SMARCA4: variants seen among roughly 807,000 people sequenced by gnomAD.
SMARCA4 encodes SWI/SNF related BAF chromatin remodeling complex subunit ATPase 4.
Under a neutral mutation model 193.9 loss-of-function variants are expected in SMARCA4, and 31 were observed. That is an observed-to-expected ratio of 0.16 (90% CI 0.12 to 0.22). SMARCA4 has a LOEUF of 0.22. Among genes scored for constraint, SMARCA4 ranks in the 10% least tolerant of loss-of-function variants. The probability of loss-of-function intolerance (pLI) is 1.00; values close to 1 mark genes in which losing one functional copy is unlikely to be tolerated. For missense variants in SMARCA4, 1,148 were observed against 2,296.0 expected, an observed-to-expected ratio of 0.50 and a Z score of 10.22; for synonymous variants, 942 against 933.1, an observed-to-expected ratio of 1.01 and a Z score of -0.17.
chr19:10,974,940 C>T (rs575488232), intron 1 of SMARCA4, among the ~76,000 whole-genome samples: 22 of 148,436 alleles, frequency 1.5e-4, no homozygotes, highest in Non-Finnish European at 3.1e-4. Context: ...TCAGGTGATC[C>T]GCTCGCCTCA....
chr19:11,007,647 A>G (rs1456669276), intron 13 of SMARCA4, among the ~76,000 whole-genome samples: 5 of 152,264 alleles, frequency 3.3e-5, no homozygotes, highest in African/African-American at 1.2e-4. Flanking sequence ...AGGCTGAGGC[A>G]GGATGATTGC....
In SMARCA4 at chr19:11,058,998, G is replaced by T; in HGVS notation, c.4635+109G>T. On this transcript the variant is annotated intron_variant, in intron 32 of 34. Coordinates refer to ENST00000344626, the MANE Select transcript of SMARCA4 (RefSeq NM_003072.5). This position sits in a 1 kb window ranked among gnomAD's most constrained non-coding sequence, Gnocchi z 5.8. ...GATGGGTTAAAAACAAGTCCCGCTA[G>T]CTGTGGTGGTTCGTGCCTGTAATCC... 1 of 875,320 alleles carries T rather than the reference G, an allele frequency of 1.1e-6. No homozygotes were observed. The highest frequency in any genetic ancestry group is 1.8e-6 in the Non-Finnish European group (1 of 543,124). 54.2% of individuals were successfully genotyped at this position (875,320 alleles called of 1,614,324 possible).
chr19:10,962,631 C>T (rs1315271376), intron 1 of SMARCA4, among the ~76,000 whole-genome samples: 1 of 152,148 alleles, frequency 6.6e-6, no homozygotes, highest in African/African-American at 2.4e-5. Context: ...TAACCTCCGC[C>T]TCCTGGGTTC....
chr19:10,974,986 C>T (rs191681239), intron 1 of SMARCA4, among the ~76,000 whole-genome samples: 2 of 149,186 alleles, frequency 1.3e-5, no homozygotes, highest in Admixed American at 6.7e-5. Flanking sequence ...CTGTGAGACA[C>T]CATGCCCAGC....
intron 30 of SMARCA4, among the ~76,000 whole-genome samples, chr19:11,045,318 TAA>T (rs34095104): frequency 6.9e-6 from 1 of 144,400 alleles, no homozygotes; most frequent in Non-Finnish European, 1.5e-5. Flanking sequence ...GGACTCCGTC[TAA>T]AAAAAAAAAG....
intron 1 of SMARCA4, among the ~76,000 whole-genome samples, chr19:10,969,410 C>T (rs779526430): frequency 6.6e-6 from 1 of 151,966 alleles, no homozygotes; most frequent in Non-Finnish European, 1.5e-5. Flanking sequence ...CCACGCCTGG[C>T]GCCTTTTTAT....
intron 15 of SMARCA4, 90 bp from the exon 16 acceptor site, chr19:11,012,859 G>A: frequency 8.1e-7 from 1 of 1,230,074 alleles, no homozygotes; most frequent in Non-Finnish European, 1.2e-6. Flanking sequence ...AGAACTCGTG[G>A]CTGGCGGTGT....
At position 10,985,361 on chromosome 19, in the gene SMARCA4, C is replaced by G. The variant is rs1555752113; in HGVS notation, c.311C>G (p.Ala104Gly). The change falls in exon 3 of 35, where the codon GCT becomes GGT. Residue 104 changes from alanine to glycine, a missense_variant. By Grantham distance (60) the Ala-to-Gly change is moderately conservative. Around this residue, in one of 17 missense-constraint regions of SMARCA4, gnomAD observed 201 missense variants for 248.3 expected, o/e 0.81. Coordinates refer to ENST00000344626, the MANE Select transcript of SMARCA4 (RefSeq NM_003072.5). The surrounding 1 kb of genome is among the most constrained non-coding windows in gnomAD (Gnocchi z 4.5). ...KGMGMRSGGH[A>G]GMGPPPSPMD... Reference sequence around the variant, plus strand: ...ATGGGGATGCGGTCAGGGGGCCATGCTGGGATGGGGCCCCCGCCCAGCCCC... The same window carrying G: ...ATGGGGATGCGGTCAGGGGGCCATGGTGGGATGGGGCCCCCGCCCAGCCCC... The G allele has an allele frequency of 1.2e-6, 2 of 1,614,018 alleles. No homozygotes were observed. The highest frequency in any genetic ancestry group is 1.7e-6 in the Non-Finnish European group (2 of 1,179,982).
At chr19:11,029,900 T>G (rs1024012198) in intron 24 of SMARCA4, among the ~76,000 whole-genome samples, 1 of 152,144 alleles carries the variant, frequency 6.6e-6, no homozygotes, top group African/African-American at 2.4e-5. Flanking sequence ...GGTCTCGAAC[T>G]CCTGTCCTCA....
chr19:10,990,962 C>G (rs951701926), intron 7 of SMARCA4, among the ~76,000 whole-genome samples, 188 bp from the exon 8 acceptor site: 1 of 152,232 alleles, frequency 6.6e-6, no homozygotes, highest in African/African-American at 2.4e-5. Flanking sequence ...CAGAAGTGAT[C>G]ACCTTCTGTC....
chr19:11,041,695 C>CT lies in SMARCA4; in HGVS notation c.4424+136dup. The CT allele has an allele frequency of 1.3e-6, 1 of 761,854 alleles. No homozygotes were observed. Among genetic ancestry groups the CT allele is most frequent in the Non-Finnish European group, 2.1e-6 (1 of 472,416 alleles). The allele number at this position is 761,854 out of a possible 1,614,324, so 47.2% of individuals were successfully genotyped here. On this transcript the variant is annotated intron_variant, in intron 30 of 34. Coordinates refer to ENST00000344626, the MANE Select transcript of SMARCA4 (RefSeq NM_003072.5). This position sits in a 1 kb window ranked among gnomAD's most constrained non-coding sequence, Gnocchi z 5.6. ...TCATCCACAAACACTGACTGAATCT[C>CT]TGTGTCTTTGAGCCTGGCCCTGAGG...
chr19:11,033,537 C>A lies in SMARCA4; in HGVS notation c.3774+20C>A, dbSNP rs377640724. Reference sequence around the variant, plus strand: ...GATGAGGTGAGCCCAGCACCGGCCCCGACCCCTCCCCAGCGTGAATGGTGG... The same window carrying A: ...GATGAGGTGAGCCCAGCACCGGCCCAGACCCCTCCCCAGCGTGAATGGTGG... On this transcript the variant is annotated intron_variant, in intron 26 of 34. Transcript: ENST00000344626. The surrounding 1 kb of genome is among the most constrained non-coding windows in gnomAD (Gnocchi z 9.8). 1.3e-6 allele frequency: 2 copies of A among 1,585,052 alleles called. No homozygotes were observed. The highest frequency in any genetic ancestry group is 8.7e-7 in the Non-Finnish European group (1 of 1,154,570).
chr19:11,016,348 G>C (rs1270956006), intron 16 of SMARCA4, among the ~76,000 whole-genome samples: 1 of 152,178 alleles, frequency 6.6e-6, no homozygotes. Context: ...TCAGACTTCA[G>C]CATGAGGTTT....
chr19:11,019,119 AATG>A lies in SMARCA4; in HGVS notation c.2505+97_2505+99del. 1.1e-6 allele frequency: 1 copy of A among 946,194 alleles called. No individual in the cohort carries two copies. Among genetic ancestry groups the A allele is most frequent in the Non-Finnish European group, 1.7e-6 (1 of 575,212 alleles). The allele number at this position is 946,194 out of a possible 1,614,324, so 58.6% of individuals were successfully genotyped here. On this transcript the variant is annotated intron_variant, in intron 17 of 34. Coordinates refer to ENST00000344626, the MANE Select transcript of SMARCA4 (RefSeq NM_003072.5). The surrounding 1 kb of genome is among the most constrained non-coding windows in gnomAD (Gnocchi z 6.1). ...CATACCTCTGGACAGTGAACCTGAG[AATG>A]CTGGGTCTCCAGTCGCATGGAGTCT...
At chr19:10,996,105 C>A in intron 9 of SMARCA4, 108 bp from the exon 10 acceptor site, 1 of 1,095,128 alleles carries the variant, frequency 9.1e-7, no homozygotes, top group Non-Finnish European at 1.4e-6. Flanking sequence ...GCACGGCACC[C>A]GCGTGAGCTA....
chr19:10,997,333 G>A (rs1367767753), intron 11 of SMARCA4, among the ~76,000 whole-genome samples: 1 of 152,052 alleles, frequency 6.6e-6, no homozygotes, highest in Non-Finnish European at 1.5e-5. Flanking sequence ...CGAGTAGCTG[G>A]GACTACAGGC....
chr19:10,987,822 C>A lies in SMARCA4; in HGVS notation c.1016C>A (p.Pro339His), dbSNP rs554354092. ...CAGTCCCCCGGGCAGCCGGCCCAGC[C>A]CGCGCCCATGGTGCCACTGCACCAG... is the stretch of plus-strand genomic sequence containing the variant. ...QTQSPGQPAQ[P>H]APMVPLHQKQ... The change falls in exon 6 of 35, where the codon CCC (proline) becomes CAC (histidine). Residue 339 changes from proline to histidine, a missense_variant. By Grantham distance (77) the Pro-to-His change is moderately conservative. This residue lies in a region of SMARCA4 where 257 missense variants were observed against 276.5 expected (regional missense o/e 0.93). Coordinates refer to ENST00000344626, the MANE Select transcript of SMARCA4 (RefSeq NM_003072.5). The surrounding 1 kb of genome is among the most constrained non-coding windows in gnomAD (Gnocchi z 5.3). 6.2e-7 allele frequency: 1 copy of A among 1,607,630 alleles called. No homozygotes were observed. The highest frequency in any genetic ancestry group is 2.2e-5 in the East Asian group (1 of 44,616).
chr19:10,963,245 C>T lies in SMARCA4; in HGVS notation c.-32+2071C>T, dbSNP rs116904814. On this transcript the variant is annotated intron_variant, in intron 1 of 34. Transcript: ENST00000344626. The stretch of plus-strand genomic sequence containing the variant: ...AAAATTAGCCGAGTGTGGTGGCATG[C>T]ACCGGTGGTCCCAACTACTCAGGAG... 9.5e-3 allele frequency among the ~76,000 whole-genome samples: 1,444 copies of T among 151,768 alleles called. 11 individuals are homozygous for T. Among genetic ancestry groups the T allele is most frequent in the Non-Finnish European group, 0.014 (960 of 67,942 alleles).
chr19:11,052,421 A>G (rs2076311858), intron 30 of SMARCA4, among the ~76,000 whole-genome samples: 1 of 152,132 alleles, frequency 6.6e-6, no homozygotes, highest in African/African-American at 2.4e-5. Context: ...AGCAGCAGGA[A>G]GAGAGGCTGG....
Sources: gnomAD v4.1 joint callset for allele counts (sites outside exome capture counted in the v4.1 genomes callset) on GRCh38, gnomAD v4.1.1 for gene constraint, gnomAD v4.1.1 regional missense constraint, Gnocchi (gnomAD v3.1) non-coding constraint, MANE v1.5 for transcripts, NCBI Gene and HGNC (gene_info 2026-07-23, HGNC 2026-07-21) for gene names.